PDE3A: variants seen among roughly 807,000 people sequenced by gnomAD.
PDE3A encodes the protein phosphodiesterase 3A, also known as cGMP-inhibited 3',5'-cyclic phosphodiesterase 3A.
A neutral mutation model predicts 98.3 loss-of-function variants in PDE3A; 43 were observed. The ratio of observed to expected loss-of-function variants is 0.44; its 90% CI spans 0.34 to 0.56. The LOEUF is 0.56. Ranked by LOEUF, PDE3A falls within the 20% of genes least tolerant of loss-of-function variation. The pLI, the probability that PDE3A is intolerant of heterozygous loss-of-function variation, is 0.01. For missense variants in PDE3A, 1,427 were observed against 1,440.7 expected, an observed-to-expected ratio of 0.99 and a Z score of 0.15; for synonymous variants, 663 against 567.9, an observed-to-expected ratio of 1.17 and a Z score of -2.38.
intron 2 of PDE3A, among the ~76,000 whole-genome samples, chr12:20,608,200 T>G (rs1362569776): frequency 6.6e-6 from 1 of 152,178 alleles, no homozygotes; most frequent in African/African-American, 2.4e-5. Flanking sequence ...CCTTGGCAGG[T>G]TTGCTGCAAA....
chr12:20,377,137 C>T (rs1423897130), intron 1 of PDE3A, among the ~76,000 whole-genome samples: 1 of 151,546 alleles, frequency 6.6e-6, no homozygotes, highest in Non-Finnish European at 1.5e-5. Flanking sequence ...TGTGATTTTC[C>T]CCTGGCAGAA....
chr12:20,398,699 A>G lies in PDE3A; in HGVS notation c.960+28455A>G, dbSNP rs112107967. ...ATGTTGACAAGTTTGTTTAGCACCA[A>G]CGATTGGATATGCTATTCTTAAACC... On this transcript the variant is annotated intron_variant, in intron 1 of 15. Coordinates refer to ENST00000359062, the MANE Select transcript of PDE3A (RefSeq NM_000921.5). Among the ~76,000 whole-genome samples the G allele has an allele frequency of 5.3e-3, 807 of 152,260 alleles. 7 individuals are homozygous for G. Among genetic ancestry groups the G allele is most frequent in the African/African-American group, 0.018 (756 of 41,542 alleles).
chr12:20,423,322 TTC>T (rs1038373632), intron 1 of PDE3A, among the ~76,000 whole-genome samples: 2 of 152,034 alleles, frequency 1.3e-5, no homozygotes, highest in Non-Finnish European at 2.9e-5. Flanking sequence ...CTCTCTTTCT[TTC>T]TGTTTCTGTA....
intron 1 of PDE3A, among the ~76,000 whole-genome samples, chr12:20,529,509 G>T (rs962349852): frequency 2.0e-5 from 3 of 151,940 alleles, no homozygotes; most frequent in Non-Finnish European, 4.4e-5. Flanking sequence ...CATTATGGTG[G>T]GTCCTAATTC....
intron 1 of PDE3A, among the ~76,000 whole-genome samples, chr12:20,386,082 A>AATAT (rs1472136882): frequency 1.5e-4 from 4 of 27,372 alleles, no homozygotes; most frequent in African/African-American, 4.2e-4. Context: ...AATATATATA[A>AATAT]ATATATAAAT....
intron 15 of PDE3A, among the ~76,000 whole-genome samples, chr12:20,665,581 A>G (rs1225180800): frequency 1.3e-5 from 2 of 152,150 alleles, no homozygotes; most frequent in African/African-American, 4.8e-5. Context: ...TGAAAATAAG[A>G]TTTGAGTTTA....
chr12:20,422,182 T>TA (rs1296291365), intron 1 of PDE3A, among the ~76,000 whole-genome samples: 1 of 151,906 alleles, frequency 6.6e-6, no homozygotes, highest in African/African-American at 2.4e-5. Context: ...CCATCTCTAC[T>TA]AAAAATACAA....
intron 2 of PDE3A, among the ~76,000 whole-genome samples, chr12:20,569,148 C>CT (rs1942733007): frequency 6.6e-6 from 1 of 151,930 alleles, no homozygotes. Flanking sequence ...TAACATTATT[C>CT]TTTTCCAAAT....
intron 1 of PDE3A, among the ~76,000 whole-genome samples, chr12:20,536,846 A>G (rs1300819583): frequency 2.6e-5 from 4 of 152,094 alleles, no homozygotes; most frequent in African/African-American, 9.7e-5. Context: ...TGCTGCTATT[A>G]ACATTTGTGT....
At chr12:20,604,414 ACT>A (rs1348573593) in intron 2 of PDE3A, among the ~76,000 whole-genome samples, 1 of 151,982 alleles carries the variant, frequency 6.6e-6, no homozygotes, top group African/African-American at 2.4e-5. Flanking sequence ...ACGTTTTAAA[ACT>A]CTGCTTTCCA....
chr12:20,401,498 G>A (rs769032277), intron 1 of PDE3A, among the ~76,000 whole-genome samples: 8 of 152,050 alleles, frequency 5.3e-5, no homozygotes, highest in East Asian at 1.9e-4. Flanking sequence ...ACTTTGAAGC[G>A]TGCCTTTTCT....
At chr12:20,395,304 T>C (rs1479868548) in intron 1 of PDE3A, among the ~76,000 whole-genome samples, 1 of 151,926 alleles carries the variant, frequency 6.6e-6, no homozygotes, top group African/African-American at 2.4e-5. Flanking sequence ...AAATTGTAGC[T>C]ACTGTTCTAT....
At position 20,552,026 on chromosome 12, in the gene PDE3A, A is replaced by G; in HGVS notation, c.961-4634A>G. 1 of 1,612,424 alleles carries G rather than the reference A, an allele frequency of 6.2e-7. No individual in the cohort carries two copies. Among genetic ancestry groups the G allele is most frequent in the Non-Finnish European group, 8.5e-7 (1 of 1,179,880 alleles). On this transcript the variant is annotated intron_variant, in intron 1 of 15. Coordinates refer to ENST00000359062, the MANE Select transcript of PDE3A (RefSeq NM_000921.5). This position sits in a 1 kb window ranked among gnomAD's most constrained non-coding sequence, Gnocchi z 5.1. ...TACTCCCTAGTCCTGGCGGGGGGCTACGAGGATGACGTGGACCATGGGAAT... is the reference window on the plus strand; with the variant it reads ...TACTCCCTAGTCCTGGCGGGGGGCTGCGAGGATGACGTGGACCATGGGAAT...
rs1020344902 is a variant in PDE3A, at chr12:20,369,491, C to A, written c.207C>A (p.Ser69=). The change falls in exon 1 of 16, where the codon TCC becomes TCA. Residue 69 remains serine (S), a synonymous_variant. Coordinates refer to ENST00000359062, the MANE Select transcript of PDE3A (RefSeq NM_000921.5). The part of the protein sequence containing the change: ...RKLSSALCAG[S]LSFLLALLVR... Reference sequence around the variant, plus strand: ...TTTCCTCCGCGCTGTGCGCGGGCTCCCTGTCCTTTCTGCTGGCGCTGCTGG... The same window carrying A: ...TTTCCTCCGCGCTGTGCGCGGGCTCACTGTCCTTTCTGCTGGCGCTGCTGG... 10 of 1,557,824 alleles carry A rather than the reference C, an allele frequency of 6.4e-6. No homozygotes were observed. The African/African-American group carries it at 9.5e-5, about 15-fold the overall frequency.
intron 14 of PDE3A, among the ~76,000 whole-genome samples, chr12:20,653,254 G>C (rs1330723426): frequency 1.3e-5 from 2 of 152,078 alleles, no homozygotes; most frequent in Non-Finnish European, 2.9e-5. Context: ...AACAAAATCT[G>C]GGATAAGGTA....
rs1263152776 is a variant in PDE3A at position 20,418,208 on chromosome 12, CCTT to C, written c.960+47967_960+47969del. Among the ~76,000 whole-genome samples the C allele has an allele frequency of 5.9e-5, 9 of 152,250 alleles. No homozygotes were observed. In the East Asian group the frequency reaches 1.7e-3, roughly 29 times the overall value. The stretch of plus-strand genomic sequence containing the variant: ...AGTTATTTAAACTGTTTGAACTCCT[CCTT>C]CTGTAAGCAGGGGATATCAGTAATA... On this transcript the variant is annotated intron_variant, in intron 1 of 15. Transcript: ENST00000359062.
At chr12:20,392,069 C>CT (rs971053734) in intron 1 of PDE3A, among the ~76,000 whole-genome samples, 7 of 151,590 alleles carry the variant, frequency 4.6e-5, no homozygotes, top group Admixed American at 2.0e-4. Flanking sequence ...ACTGCACTTG[C>CT]TTTTTTTTGT....
chr12:20,674,728 C>T (rs1167101196), intron 15 of PDE3A, among the ~76,000 whole-genome samples: 1 of 151,918 alleles, frequency 6.6e-6, no homozygotes, highest in Non-Finnish European at 1.5e-5. Flanking sequence ...TTCTAGTTTG[C>T]TAATACATAC....
intron 1 of PDE3A, among the ~76,000 whole-genome samples, chr12:20,521,089 C>T (rs1198939818): frequency 6.6e-6 from 1 of 151,010 alleles, no homozygotes; most frequent in African/African-American, 2.4e-5. Flanking sequence ...ATACCTTTTC[C>T]TTCAAATATA....
Sources: allele counts gnomAD v4.1 joint callset (sites outside exome capture counted in the v4.1 genomes callset), GRCh38; gene constraint gnomAD v4.1.1; non-coding constraint Gnocchi (gnomAD v3.1); transcripts MANE v1.5; gene names NCBI Gene and HGNC (gene_info 2026-07-23, HGNC 2026-07-21).